PTK2: variants seen among roughly 807,000 people sequenced by gnomAD.
PTK2 encodes focal adhesion kinase 1.
PTK2 carries 45 observed loss-of-function variants against 150.1 expected under a neutral mutation model. That is an observed-to-expected ratio of 0.30 (90% CI 0.24 to 0.38). The LOEUF is 0.38. Ranked by LOEUF, PTK2 falls within the 10% of genes least tolerant of loss-of-function variation. The pLI, the probability that PTK2 is intolerant of heterozygous loss-of-function variation, is 1.00. For synonymous variants in PTK2, 432 were observed against 449.2 expected, an observed-to-expected ratio of 0.96 and a Z score of 0.48; for missense variants, 919 against 1,307.3, an observed-to-expected ratio of 0.70 and a Z score of 4.58.
intron 29 of PTK2, among the ~76,000 whole-genome samples, chr8:140,673,570 G>T (rs186128398): frequency 2.6e-5 from 4 of 152,180 alleles, no homozygotes; most frequent in East Asian, 1.9e-4. Context: ...TAAGTGGAAA[G>T]TAAAAAGATC....
chr8:140,927,984 ATATATATATG>A, intron 1 of PTK2, among the ~76,000 whole-genome samples: 1 of 135,730 alleles, frequency 7.4e-6, no homozygotes, highest in South Asian at 2.3e-4. Context: ...AAATATATAT[ATATATATATG>A]TATATATATA....
intron 29 of PTK2, 36 bp downstream of exon 32, chr8:140,674,262 G>A (rs2100012284): frequency 1.4e-5 from 21 of 1,550,580 alleles, no homozygotes; most frequent in Non-Finnish European, 1.8e-5. Context: ...CACAAATCCT[G>A]CAAGCAGAAG....
intron 23 of PTK2, among the ~76,000 whole-genome samples, chr8:140,708,601 A>G (rs2100035095): frequency 6.6e-6 from 1 of 152,130 alleles, no homozygotes; most frequent in Non-Finnish European, 1.5e-5. Context: ...AGTGTTCCAG[A>G]AAGAGTCTAC....
chr8:140,927,129 T>C (rs2100169768), intron 1 of PTK2, among the ~76,000 whole-genome samples: 1 of 152,202 alleles, frequency 6.6e-6, no homozygotes, highest in African/African-American at 2.4e-5. Flanking sequence ...AATCTATCCA[T>C]ATATGTTATA....
rs141836453 is a variant in PTK2, at chr8:140,858,080, T to G, written c.450+6232A>C. Among the ~76,000 whole-genome samples, 729 of 152,302 alleles carry G rather than the reference T, an allele frequency of 4.8e-3. 2 individuals carry two copies. The highest frequency in any genetic ancestry group is 8.5e-3 in the Non-Finnish European group (577 of 68,022). On this transcript the variant is annotated intron_variant, in intron 5 of 31. Transcript: ENST00000522684. ...ATAATAAGGGCCATACAAAGTGGCCTGGCAATTTAAAAAACTTTTTTTAAA... is the reference window on the plus strand; with the variant it reads ...ATAATAAGGGCCATACAAAGTGGCCGGGCAATTTAAAAAACTTTTTTTAAA...
At chr8:140,699,222 TGA>T (rs1256778609) in intron 26 of PTK2, among the ~76,000 whole-genome samples, 1 of 152,206 alleles carries the variant, frequency 6.6e-6, no homozygotes, top group African/African-American at 2.4e-5. Flanking sequence ...ATACAAAGCA[TGA>T]GAGACCAGGT....
At chr8:140,704,044 G>C (rs993455904) in intron 24 of PTK2, among the ~76,000 whole-genome samples, 49 of 152,276 alleles carry the variant, frequency 3.2e-4, no homozygotes, top group African/African-American at 1.0e-3. Flanking sequence ...CATATAGTTA[G>C]TTCTCACAGT....
At chr8:140,726,915 T>A (rs2100046179) in intron 22 of PTK2, among the ~76,000 whole-genome samples, 1 of 152,198 alleles carries the variant, frequency 6.6e-6, no homozygotes, top group African/African-American at 2.4e-5. Context: ...GAATGTAACA[T>A]ACATGACAAT....
At chr8:140,998,020 G>T (rs575900939) in intron 1 of PTK2, among the ~76,000 whole-genome samples, 1 of 152,218 alleles carries the variant, frequency 6.6e-6, no homozygotes, top group South Asian at 2.1e-4. Flanking sequence ...ATATGCACTG[G>T]GAAACCAATT....
rs183874412 is a variant in PTK2, at chr8:140,771,907, G to A, written c.1178-7617C>T. ...CGATTCTCCTGCTTCAGCCTCCCGC[G>A]TAGCTGGGATTACAGGCGCCTGCTA... is the stretch of plus-strand genomic sequence containing the variant. On this transcript the variant is annotated intron_variant, in intron 14 of 31. Coordinates refer to ENST00000522684, the Ensembl canonical transcript of PTK2. 4.4e-3 allele frequency among the ~76,000 whole-genome samples: 661 copies of A among 151,278 alleles called. 3 individuals are homozygous for A. Among genetic ancestry groups the A allele is most frequent in the African/African-American group, 0.015 (602 of 41,224 alleles).
intron 13 of PTK2, among the ~76,000 whole-genome samples, chr8:140,791,526 G>C (rs766551393): frequency 6.6e-6 from 1 of 152,194 alleles, no homozygotes; most frequent in Non-Finnish European, 1.5e-5. Context: ...GAGGCCCACA[G>C]TACTGCATAT....
At chr8:140,946,732 G>A (rs914941795) in intron 1 of PTK2, among the ~76,000 whole-genome samples, 3 of 151,806 alleles carry the variant, frequency 2.0e-5, no homozygotes, top group African/African-American at 4.8e-5. Context: ...CTCATCCCAC[G>A]TCCCACCTTC....
At chr8:140,902,805 G>GT (rs1259482181) in intron 2 of PTK2, among the ~76,000 whole-genome samples, 4 of 144,346 alleles carry the variant, frequency 2.8e-5, no homozygotes, top group East Asian at 3.9e-4. Flanking sequence ...TGGTGGGGTT[G>GT]TTTTTTTCTT....
chr8:140,800,698 A>C (rs1257032758), intron 11 of PTK2, 122 bp from the exon 12 acceptor site: 1 of 708,086 alleles, frequency 1.4e-6, no homozygotes, highest in Non-Finnish European at 2.4e-6. Flanking sequence ...GAATGAAACA[A>C]GATTTGTCAT....
chr8:140,888,510 T>C lies in PTK2; in HGVS notation c.195+2033A>G, dbSNP rs571389248. Among the ~76,000 whole-genome samples the C allele has an allele frequency of 2.0e-5, 3 of 152,348 alleles. No homozygotes were observed. In the South Asian group the frequency reaches 6.2e-4, roughly 32 times the overall value. On this transcript the variant is annotated intron_variant, in intron 3 of 31. Transcript: ENST00000522684. ...ATAAAACACGTTGTTTGTGGCCACA[T>C]AGATTTGATCAGATTGATCTTCACA...
intron 1 of PTK2, among the ~76,000 whole-genome samples, chr8:140,988,412 G>C (rs2100194188): frequency 6.6e-6 from 1 of 152,152 alleles, no homozygotes; most frequent in South Asian, 2.1e-4. Context: ...TGGAATCAAA[G>C]AATCTAAAAA....
At chr8:140,883,924 G>A (rs1397585212) in intron 3 of PTK2, among the ~76,000 whole-genome samples, 2 of 152,044 alleles carry the variant, frequency 1.3e-5, no homozygotes, top group Non-Finnish European at 2.9e-5. Flanking sequence ...GCAGGGATGT[G>A]CTGTTTTCTG....
intron 16 of PTK2, among the ~76,000 whole-genome samples, chr8:140,753,736 G>T (rs1256593335): frequency 6.6e-6 from 1 of 152,018 alleles, no homozygotes; most frequent in Non-Finnish European, 1.5e-5. Flanking sequence ...ATAACACAGA[G>T]ATAATATTGT....
At chr8:140,854,715 T>C (rs558970518) in intron 5 of PTK2, among the ~76,000 whole-genome samples, 71 of 152,320 alleles carry the variant, frequency 4.7e-4, no homozygotes, top group African/African-American at 1.6e-3. Context: ...GGTAGTTACA[T>C]TTAGGCCATC....
Sources: allele counts gnomAD v4.1 joint callset (sites outside exome capture counted in the v4.1 genomes callset), GRCh38; gene constraint gnomAD v4.1.1; transcripts MANE v1.5; gene names NCBI Gene and HGNC (gene_info 2026-07-23, HGNC 2026-07-21).